HERC3: variants seen among roughly 807,000 people sequenced by gnomAD.
HERC3 encodes HECT and RLD domain containing E3 ubiquitin protein ligase 3, also known as probable E3 ubiquitin-protein ligase HERC3.
In HERC3, 58 loss-of-function variants were observed where a neutral mutation model predicts 129.9. The ratio of observed to expected loss-of-function variants is 0.45; its 90% CI spans 0.36 to 0.56. HERC3 has a LOEUF of 0.56. Ranked by LOEUF, HERC3 falls within the 20% of genes least tolerant of loss-of-function variation. HERC3 has a pLI of 0.00. For synonymous variants in HERC3, 430 were observed against 451.0 expected, an observed-to-expected ratio of 0.95 and a Z score of 0.59; for missense variants, 835 against 1,244.2, an observed-to-expected ratio of 0.67 and a Z score of 4.95.
chr4:88,580,459 G>T, the HERC3 span, among the ~76,000 whole-genome samples: 7 of 152,222 alleles, frequency 4.6e-5, no homozygotes, highest in East Asian at 1.3e-3. Context: ...AGAGGTTATA[G>T]TGAGCTGAGA....
chr4:88,678,125 G>A lies in HERC3; in HGVS notation c.2187G>A (p.Lys729=), dbSNP rs746924397. The A allele has an allele frequency of 5.6e-6, 9 of 1,613,500 alleles. No homozygotes were observed. The South Asian group carries it at 6.6e-5, about 12-fold the overall frequency. The part of the protein sequence containing the change: ...LSIHSDIDLK[K]PLKVIFDGEE... ...TTCATTCTGATATTGATTTGAAAAA[G>A]CCTCTCAAAGTGAGTTCCTTCAGGA... Residue 729 remains lysine (K), a synonymous_variant, in exon 19 of 26, where the codon AAG becomes AAA. Transcript: ENST00000402738.
At chr4:88,691,461 G>GCAGAAC (rs1318382659) in intron 23 of HERC3, among the ~76,000 whole-genome samples, 1 of 152,220 alleles carries the variant, frequency 6.6e-6, no homozygotes, top group Non-Finnish European at 1.5e-5. Context: ...TGCCAGCATG[G>GCAGAAC]TTAGGTTCTG....
intron 12 of HERC3, among the ~76,000 whole-genome samples, chr4:88,666,265 G>C (rs889390871): frequency 6.6e-6 from 1 of 152,054 alleles, no homozygotes; most frequent in East Asian, 1.9e-4. Flanking sequence ...CTCCTGTAGC[G>C]TACATAGGAT....
chr4:88,658,352 A>G, intron 9 of HERC3, 63 bp from the exon 10 acceptor site: 1 of 857,848 alleles, frequency 1.2e-6, no homozygotes, highest in South Asian at 1.5e-5. Flanking sequence ...GACAGTAGAA[A>G]AGGGGATCAA....
At chr4:88,600,111 C>A (rs1722817555) in intron 2 of HERC3, among the ~76,000 whole-genome samples, 1 of 152,110 alleles carries the variant, frequency 6.6e-6, no homozygotes. Flanking sequence ...GTACCAGACT[C>A]AGAGTAAGCT....
the HERC3 span, among the ~76,000 whole-genome samples, chr4:88,541,805 C>G: frequency 1.8e-4 from 27 of 152,262 alleles, no homozygotes; most frequent in African/African-American, 6.3e-4. Flanking sequence ...CTTAAAACCG[C>G]ACAACTACAT....
chr4:88,596,588 G>T (rs745319795), intron 2 of HERC3, among the ~76,000 whole-genome samples: 1 of 152,234 alleles, frequency 6.6e-6, no homozygotes, highest in African/African-American at 2.4e-5. Flanking sequence ...CAGTCTGCAC[G>T]TTGGCAGGGT....
intron 21 of HERC3, among the ~76,000 whole-genome samples, chr4:88,682,837 C>A (rs1045991752): frequency 4.0e-5 from 6 of 151,832 alleles, no homozygotes; most frequent in Non-Finnish European, 4.4e-5. Context: ...GGTATATACC[C>A]AGTAATGGGA....
At chr4:88,686,502 A>C (rs945311399) in intron 21 of HERC3, among the ~76,000 whole-genome samples, 1 of 152,182 alleles carries the variant, frequency 6.6e-6, no homozygotes, top group Non-Finnish European at 1.5e-5. Context: ...TTCAAGTCTA[A>C]TAAGATTTGT....
chr4:88,576,397 A>T, the HERC3 span, among the ~76,000 whole-genome samples: 3 of 151,770 alleles, frequency 2.0e-5, no homozygotes, highest in Non-Finnish European at 4.4e-5. Context: ...CTCTAAATTT[A>T]CCTCCTGCCA....
At chr4:88,608,716 A>G (rs916018365) in intron 3 of HERC3, among the ~76,000 whole-genome samples, 5 of 152,230 alleles carry the variant, frequency 3.3e-5, no homozygotes, top group Non-Finnish European at 7.3e-5. Flanking sequence ...TGTGTCTCAC[A>G]TTAAGCTCCT....
At chr4:88,565,666 T>C in the HERC3 span, among the ~76,000 whole-genome samples, 4 of 152,178 alleles carry the variant, frequency 2.6e-5, no homozygotes, top group South Asian at 6.2e-4. Context: ...AGGTCTTTTT[T>C]TTATTCATTC....
chr4:88,536,295 A>G, the HERC3 span, among the ~76,000 whole-genome samples: 3 of 152,168 alleles, frequency 2.0e-5, no homozygotes, highest in African/African-American at 4.8e-5. Context: ...TGCCCAGAAT[A>G]TCTTTACTCC....
Position 88,704,240 on chromosome 4 carries a change from A to T in HERC3, c.2800A>T (p.Met934Leu). Residue 934 changes from methionine to leucine, a missense_variant, in exon 24 of 26, where the codon ATG becomes TTG. Met to Leu is a conservative substitution (Grantham distance 15). Transcript: ENST00000402738. ...CCAGCCTTCAGAACTGAGGGCTATG[A>T]TGGTGGGGAACAGCAACTACAACTG... ...LFQPSELRAM[M>L]VGNSNYNWEE... The T allele has an allele frequency of 6.2e-7, 1 of 1,614,102 alleles. No homozygotes were observed. Among genetic ancestry groups the T allele is most frequent in the Non-Finnish European group, 8.5e-7 (1 of 1,180,012 alleles).
upstream of HERC3, chr4:88,592,402 C>G (rs1352617025): frequency 6.6e-6 from 1 of 152,390 alleles, no homozygotes; most frequent in Non-Finnish European, 1.5e-5. Flanking sequence ...GGGCCCATCC[C>G]AGAACGGCGC....
chr4:88,523,886 G>A, the HERC3 span: 1 of 578,366 alleles, frequency 1.7e-6, no homozygotes, highest in Non-Finnish European at 2.9e-6. Flanking sequence ...CTTTTCCCAC[G>A]GGCGTCATCT....
chr4:88,533,263 G>A, the HERC3 span, among the ~76,000 whole-genome samples: 2 of 152,138 alleles, frequency 1.3e-5, no homozygotes, highest in African/African-American at 4.8e-5. Context: ...TTCTGCCCAC[G>A]CTGGCAGGTG....
the HERC3 span, among the ~76,000 whole-genome samples, chr4:88,568,661 C>T: frequency 6.6e-6 from 1 of 151,984 alleles, no homozygotes; most frequent in Admixed American, 6.6e-5. Flanking sequence ...GGACCAAGGG[C>T]TCTTTAGTCA....
At chr4:88,601,028 C>T (rs748560916) in intron 2 of HERC3, among the ~76,000 whole-genome samples, 3 of 152,196 alleles carry the variant, frequency 2.0e-5, no homozygotes, top group African/African-American at 4.8e-5. Context: ...CAACCACCAC[C>T]ACCACTACCC....
Sources: allele counts gnomAD v4.1 joint callset (sites outside exome capture counted in the v4.1 genomes callset), GRCh38; gene constraint gnomAD v4.1.1; transcripts MANE v1.5; gene names NCBI Gene and HGNC (gene_info 2026-07-23, HGNC 2026-07-21).